The following RNF217 variants were observed in gnomAD, a reference collection of about 807,000 sequenced individuals.
RNF217 encodes E3 ubiquitin-protein ligase RNF217.
A neutral mutation model predicts 57.8 loss-of-function variants in RNF217; 31 were observed. The observed-to-expected ratio is 0.54, with a 90% CI of 0.40 to 0.72. The LOEUF (loss-of-function observed/expected upper bound fraction) is 0.72, where lower values mean the gene tolerates loss of function less well. Among genes scored for constraint, RNF217 ranks in the 30% least tolerant of loss-of-function variants. The pLI is 0.00. For missense variants in RNF217, 696 were observed against 708.3 expected, an observed-to-expected ratio of 0.98 and a Z score of 0.20; for synonymous variants, 313 against 294.0, an observed-to-expected ratio of 1.06 and a Z score of -0.66.
chr6:125,018,767 CCT>C (rs1183037243), intron 1 of RNF217, among the ~76,000 whole-genome samples: 1 of 152,150 alleles, frequency 6.6e-6, no homozygotes, highest in Non-Finnish European at 1.5e-5. Flanking sequence ...ACCCTCCTCA[CCT>C]CTCTTGACCA....
In RNF217 at chr6:124,962,813, T is replaced by G; in HGVS notation, c.269T>G (p.Leu90Arg). 4 of 1,597,672 alleles carry G rather than the reference T, an allele frequency of 2.5e-6. No homozygotes were observed. The South Asian group carries it at 4.4e-5, about 18-fold the overall frequency. ...CGAGCACCGGCGCAGCCTGCGGGAC[T>G]GGCACTCACCGGGCCTCTCAATCCC... Reference protein sequence around the residue: ...KSRAPAQPAGLALTGPLNPQT... With the variant: ...KSRAPAQPAGRALTGPLNPQT... Residue 90 changes from leucine (L) to arginine (R), a missense_variant, in exon 1 of 6, where the codon CTG becomes CGG. Leu to Arg is a moderately radical substitution (Grantham distance 102). This residue lies in a region of RNF217 where 465 missense variants were observed against 386.8 expected (regional missense o/e 1.20). Transcript: ENST00000521654. The surrounding 1 kb of genome is among the most constrained non-coding windows in gnomAD (Gnocchi z 4.6).
chr6:125,046,195 G>GC (rs1787093325), intron 2 of RNF217, among the ~76,000 whole-genome samples: 1 of 152,104 alleles, frequency 6.6e-6, no homozygotes, highest in Admixed American at 6.6e-5. Context: ...TTGTAATCAA[G>GC]TGCTTCTAGA....
chr6:125,002,708 G>A (rs1785035229), intron 1 of RNF217, among the ~76,000 whole-genome samples: 1 of 152,092 alleles, frequency 6.6e-6, no homozygotes. Flanking sequence ...TAGTGTCCGT[G>A]TGATTTTCGT....
At chr6:125,023,156 A>C (rs1785914124) in intron 1 of RNF217, among the ~76,000 whole-genome samples, 1 of 152,184 alleles carries the variant, frequency 6.6e-6, no homozygotes, top group African/African-American at 2.4e-5. Flanking sequence ...GAGGTATTAC[A>C]AAAGGCTTCC....
rs928161248 is a variant in RNF217, at chr6:125,084,665, A to G, written c.*1728A>G. The G allele has an allele frequency of 1.3e-5, 2 of 152,016 alleles. No individual in the cohort carries two copies. The highest frequency in any genetic ancestry group is 6.6e-5 in the Admixed American group (1 of 15,244). The allele number at this position is 152,016 out of a possible 1,614,324, so 9.4% of individuals were successfully genotyped here. On this transcript the variant is annotated 3_prime_UTR_variant, in exon 6 of 6. Transcript: ENST00000521654. ...TCCAGCATGCTTTCATTCTTTCTGAATAACACAGAATAACTGTGCTACAGC... is the reference window on the plus strand; with the variant it reads ...TCCAGCATGCTTTCATTCTTTCTGAGTAACACAGAATAACTGTGCTACAGC...
intron 4 of RNF217, among the ~76,000 whole-genome samples, chr6:125,078,655 A>G (rs1344552539): frequency 1.3e-5 from 2 of 152,062 alleles, no homozygotes; most frequent in Non-Finnish European, 2.9e-5. Flanking sequence ...TGCTCTCAAG[A>G]TCTAATCACC....
intron 1 of RNF217, among the ~76,000 whole-genome samples, chr6:125,016,597 T>C (rs1213089724): frequency 6.6e-6 from 1 of 152,050 alleles, no homozygotes; most frequent in East Asian, 1.9e-4. Context: ...TTAAAGAAAA[T>C]GTGGCACATA....
rs1215262974 is a variant in RNF217 at position 125,088,386 on chromosome 6, C to T, written c.*5449C>T. ...TGATTTTGAAAATAGAACAAATACA[C>T]ATTTCATAGCCAAACTTTGTGTGGG... On this transcript the variant is annotated 3_prime_UTR_variant, in exon 6 of 6. Coordinates refer to ENST00000521654, the MANE Select transcript of RNF217 (RefSeq NM_001286398.3). 1 of 152,068 alleles carries T rather than the reference C, an allele frequency of 6.6e-6. No homozygotes were observed. The highest frequency in any genetic ancestry group is 2.4e-5 in the African/African-American group (1 of 41,412). 9.4% of individuals were successfully genotyped at this position (152,068 alleles called of 1,614,324 possible). A position where few individuals can be genotyped will look rare whatever the true frequency, so the allele number is the denominator to read the frequency against.
At chr6:125,004,603 C>T (rs527312310) in intron 1 of RNF217, among the ~76,000 whole-genome samples, 1 of 152,318 alleles carries the variant, frequency 6.6e-6, no homozygotes. Context: ...GATAGTATCA[C>T]TGGGAGAAGA....
intron 3 of RNF217, among the ~76,000 whole-genome samples, chr6:125,074,166 G>C (rs1239987490): frequency 6.6e-6 from 1 of 152,002 alleles, no homozygotes; most frequent in Non-Finnish European, 1.5e-5. Flanking sequence ...TTTCTTTCTT[G>C]GTCCCTTCAT....
intron 4 of RNF217, 105 bp downstream of exon 4, chr6:125,076,963 C>T (rs1011886921): frequency 5.9e-5 from 58 of 982,572 alleles, no homozygotes; most frequent in East Asian, 2.4e-5. Flanking sequence ...GCCATGTGCC[C>T]AGTGTTCAGA....
intron 2 of RNF217, among the ~76,000 whole-genome samples, chr6:125,048,439 C>T (rs959463638): frequency 2.6e-5 from 4 of 151,986 alleles, no homozygotes; most frequent in African/African-American, 9.7e-5. Flanking sequence ...TAATGTCTGA[C>T]GTTTCTGTGC....
At chr6:124,993,701 C>T (rs547994166) in intron 1 of RNF217, among the ~76,000 whole-genome samples, 16 of 152,068 alleles carry the variant, frequency 1.1e-4, no homozygotes, top group Non-Finnish European at 2.4e-4. Flanking sequence ...ATAGGAAGGC[C>T]GGGTAGGCCA....
rs753065523 is a variant in RNF217 at position 124,963,084 on chromosome 6, G to A, written c.540G>A (p.Glu180=). The change falls in exon 1 of 6, where the codon GAG becomes GAA. Residue 180 remains glutamate (E), a synonymous_variant. Transcript: ENST00000521654. The stretch of plus-strand genomic sequence containing the variant: ...ACCTGCCCGAGGCCCCCGCCTCGGA[G>A]CAGCTCTCGCCGCCCGCGTCGCCAC... ...ESDLPEAPAS[E]QLSPPASPPG... 1 of 1,550,422 alleles carries A rather than the reference G, an allele frequency of 6.4e-7. No individual in the cohort carries two copies. The highest frequency in any genetic ancestry group is 1.9e-5 in the Admixed American group (1 of 52,168).
At chr6:125,008,112 T>C (rs555261056) in intron 1 of RNF217, among the ~76,000 whole-genome samples, 1 of 151,962 alleles carries the variant, frequency 6.6e-6, no homozygotes, top group East Asian at 2.0e-4. Flanking sequence ...AAAAATTAGC[T>C]GGGCCTGGTG....
chr6:125,001,525 G>A (rs561745383), intron 1 of RNF217, among the ~76,000 whole-genome samples: 21 of 152,294 alleles, frequency 1.4e-4, no homozygotes, highest in Admixed American at 1.3e-3. Context: ...TGTGACAATT[G>A]AAATAATTAA....
chr6:125,019,744 A>AGGCC (rs1438090695), intron 1 of RNF217, among the ~76,000 whole-genome samples: 1 of 150,762 alleles, frequency 6.6e-6, no homozygotes, highest in Non-Finnish European at 1.5e-5. Context: ...TACTGGTGCT[A>AGGCC]GGCCTGCTAC....
intron 1 of RNF217, among the ~76,000 whole-genome samples, chr6:125,012,571 C>T (rs1785451873): frequency 6.6e-6 from 1 of 152,142 alleles, no homozygotes; most frequent in Non-Finnish European, 1.5e-5. Flanking sequence ...GAATATTTGA[C>T]ATATTCTTAG....
chr6:125,075,409 A>C (rs1788322970), intron 3 of RNF217, among the ~76,000 whole-genome samples: 1 of 152,172 alleles, frequency 6.6e-6, no homozygotes, highest in South Asian at 2.1e-4. Context: ...ATGGTTCCGC[A>C]TGCCTGGGGA....
Sources: allele counts gnomAD v4.1 joint callset (sites outside exome capture counted in the v4.1 genomes callset), GRCh38; gene constraint gnomAD v4.1.1; regional missense constraint gnomAD v4.1.1; non-coding constraint Gnocchi (gnomAD v3.1); transcripts MANE v1.5; gene names NCBI Gene and HGNC (gene_info 2026-07-23, HGNC 2026-07-21).